PCDH7: variants seen among roughly 807,000 people sequenced by gnomAD.
PCDH7 encodes the protein protocadherin 7.
Under a neutral mutation model 58.9 loss-of-function variants are expected in PCDH7, and 17 were observed. The ratio of observed to expected loss-of-function variants is 0.29; its 90% CI spans 0.20 to 0.43. The LOEUF (loss-of-function observed/expected upper bound fraction) is 0.43. PCDH7 is among the 20% of genes least tolerant of loss of function. PCDH7 has a pLI of 1.00. For synonymous variants in PCDH7, 664 were observed against 616.4 expected (o/e 1.08, Z -1.14); for missense variants, 1,274 against 1,441.0 (o/e 0.88, Z 1.88).
At chr4:30,861,340 G>A (rs1734168424) in intron 1 of PCDH7, among the ~76,000 whole-genome samples, 1 of 152,112 alleles carries the variant, frequency 6.6e-6, no homozygotes, top group South Asian at 2.1e-4. Flanking sequence ...TAACCAGGGT[G>A]ATATTTGTAT....
intron 1 of PCDH7, among the ~76,000 whole-genome samples, chr4:30,907,755 T>A (rs1741160479): frequency 6.6e-6 from 1 of 152,134 alleles, no homozygotes; most frequent in African/African-American, 2.4e-5. Context: ...ATTGGGCATA[T>A]ACCCAAAGCA....
chr4:30,793,858 G>T (rs1462859307), intron 1 of PCDH7: 1 of 152,096 alleles, frequency 6.6e-6, no homozygotes, highest in Non-Finnish European at 1.5e-5. Context: ...AAGTATAAAG[G>T]TAATCATGGT....
intron 1 of PCDH7, among the ~76,000 whole-genome samples, chr4:30,748,905 A>T (rs757526110): frequency 3.9e-5 from 6 of 152,154 alleles, no homozygotes; most frequent in Non-Finnish European, 8.8e-5. Context: ...TCTCTGGGAC[A>T]ACTTAAAGGA....
intron 2 of PCDH7, among the ~76,000 whole-genome samples, chr4:30,944,317 A>T (rs1465700267): frequency 6.6e-6 from 1 of 152,006 alleles, no homozygotes; most frequent in Non-Finnish European, 1.5e-5. Flanking sequence ...GTAATTTTCT[A>T]TTAAAATATA....
At chr4:30,815,083 A>G (rs547674075) in intron 1 of PCDH7, among the ~76,000 whole-genome samples, 2 of 152,264 alleles carry the variant, frequency 1.3e-5, no homozygotes, top group Non-Finnish European at 2.9e-5. Context: ...AACGGATATT[A>G]TAAATATATA....
intron 3 of PCDH7, among the ~76,000 whole-genome samples, chr4:30,979,187 G>A (rs954249537): frequency 2.6e-5 from 4 of 151,844 alleles, no homozygotes; most frequent in Admixed American, 1.3e-4. Context: ...TCAGCTGGGC[G>A]TGGTGGTGGG....
chr4:31,036,283 T>G (rs1755406269), intron 3 of PCDH7, among the ~76,000 whole-genome samples: 1 of 152,120 alleles, frequency 6.6e-6, no homozygotes, highest in African/African-American at 2.4e-5. Flanking sequence ...CTTCCTAGGT[T>G]CAAGCTATTT....
chr4:30,914,120 G>A (rs1259573336), intron 1 of PCDH7, among the ~76,000 whole-genome samples: 1 of 152,102 alleles, frequency 6.6e-6, no homozygotes, highest in Non-Finnish European at 1.5e-5. Flanking sequence ...GCCTACTCGT[G>A]TGGCCTCTAG....
chr4:30,789,672 G>T (rs1420995460), intron 1 of PCDH7, among the ~76,000 whole-genome samples: 2 of 152,086 alleles, frequency 1.3e-5, no homozygotes, highest in Non-Finnish European at 2.9e-5. Context: ...CAAAGGTGTG[G>T]TGGATAATCT....
At chr4:31,015,654 A>G (rs907487635) in intron 3 of PCDH7, among the ~76,000 whole-genome samples, 1 of 152,142 alleles carries the variant, frequency 6.6e-6, no homozygotes, top group Non-Finnish European at 1.5e-5. Context: ...CCATGTCTGC[A>G]TTATATCATT....
At chr4:30,964,449 G>A (rs1748802019) in intron 3 of PCDH7, among the ~76,000 whole-genome samples, 1 of 151,906 alleles carries the variant, frequency 6.6e-6, no homozygotes, top group Admixed American at 6.6e-5. Flanking sequence ...CACCGTGTTA[G>A]CCAGGATGGT....
At chr4:30,995,770 T>A (rs1044778187) in intron 3 of PCDH7, among the ~76,000 whole-genome samples, 2 of 152,136 alleles carry the variant, frequency 1.3e-5, no homozygotes, top group African/African-American at 4.8e-5. Flanking sequence ...ATTCCTTTGC[T>A]AGTGGCCCCA....
At chr4:30,940,769 C>T (rs1745938032) in intron 2 of PCDH7, among the ~76,000 whole-genome samples, 2 of 151,920 alleles carry the variant, frequency 1.3e-5, no homozygotes, top group African/African-American at 4.8e-5. Flanking sequence ...GATAGTTAAC[C>T]AATTCAGGCA....
intron 1 of PCDH7, among the ~76,000 whole-genome samples, chr4:30,789,049 T>C (rs768998235): frequency 6.6e-6 from 1 of 152,098 alleles, no homozygotes; most frequent in Non-Finnish European, 1.5e-5. Context: ...ACAGTATGAA[T>C]TGACAGTTGT....
chr4:30,988,270 A>G (rs943082523), intron 3 of PCDH7, among the ~76,000 whole-genome samples: 2 of 152,206 alleles, frequency 1.3e-5, no homozygotes, highest in Non-Finnish European at 2.9e-5. Flanking sequence ...TCTGCCCACA[A>G]GTGTATCAAC....
intron 3 of PCDH7, among the ~76,000 whole-genome samples, chr4:30,959,392 A>C (rs1748172289): frequency 6.6e-6 from 1 of 152,168 alleles, no homozygotes; most frequent in African/African-American, 2.4e-5. Context: ...TCCAAATATC[A>C]GAGATACATA....
intron 3 of PCDH7, among the ~76,000 whole-genome samples, chr4:31,132,609 T>A (rs544870709): frequency 6.6e-6 from 1 of 152,284 alleles, no homozygotes; most frequent in South Asian, 2.1e-4. Context: ...ATGAAGTGGC[T>A]CTAAATTGAT....
At chr4:30,757,486 C>G (rs1719456844) in intron 1 of PCDH7, among the ~76,000 whole-genome samples, 1 of 152,182 alleles carries the variant, frequency 6.6e-6, no homozygotes, top group South Asian at 2.1e-4. Flanking sequence ...CTAGCCATAC[C>G]TAGCCTATTT....
At chr4:30,981,438 T>C (rs187087697) in intron 3 of PCDH7, among the ~76,000 whole-genome samples, 1 of 152,290 alleles carries the variant, frequency 6.6e-6, no homozygotes, top group African/African-American at 2.4e-5. Context: ...ATGAATTTGA[T>C]GGGTAGCACA....
Sources: allele counts gnomAD v4.1 joint callset (sites outside exome capture counted in the v4.1 genomes callset), GRCh38; gene constraint gnomAD v4.1.1; transcripts MANE v1.5; gene names NCBI Gene and HGNC (gene_info 2026-07-23, HGNC 2026-07-21).